Variants in SEMA3A observed in about 807,000 individuals in gnomAD.
The protein encoded by SEMA3A is semaphorin 3A.
Under a neutral mutation model 97.9 loss-of-function variants are expected in SEMA3A, and 29 were observed. The observed-to-expected ratio is 0.30, with a 90% CI of 0.22 to 0.40. SEMA3A has a LOEUF of 0.40. SEMA3A is among the 10% of genes least tolerant of loss of function. The pLI, the probability that SEMA3A is intolerant of heterozygous loss-of-function variation, is 1.00. For missense variants in SEMA3A, 763 were observed against 951.3 expected, an observed-to-expected ratio of 0.80 and a Z score of 2.60; for synonymous variants, 321 against 323.7, an observed-to-expected ratio of 0.99 and a Z score of 0.09.
intron 1 of SEMA3A, among the ~76,000 whole-genome samples, chr7:84,387,524 G>T (rs1055005532): frequency 6.6e-6 from 1 of 152,008 alleles, no homozygotes; most frequent in Non-Finnish European, 1.5e-5. Flanking sequence ...AAAACCTAAC[G>T]GTAATTATGG....
intron 1 of SEMA3A, among the ~76,000 whole-genome samples, chr7:84,395,991 G>A (rs1164030251): frequency 1.3e-5 from 2 of 152,038 alleles, no homozygotes; most frequent in African/African-American, 4.8e-5. Context: ...TTGCATTAAA[G>A]CAGAATCAAG....
At chr7:84,470,471 TAAAAC>T (rs1806117451) in intron 1 of SEMA3A, among the ~76,000 whole-genome samples, 1 of 152,084 alleles carries the variant, frequency 6.6e-6, no homozygotes, top group Non-Finnish European at 1.5e-5. Context: ...AACAAATTGA[TAAAAC>T]AAATTCTGGA....
chr7:84,431,641 T>A (rs1441084571), intron 1 of SEMA3A, among the ~76,000 whole-genome samples: 1 of 151,860 alleles, frequency 6.6e-6, no homozygotes, highest in East Asian at 1.9e-4. Flanking sequence ...TTAACAAGGC[T>A]ACCTATAATT....
At chr7:84,182,048 CTG>C (rs1797750533) in intron 1 of SEMA3A, among the ~76,000 whole-genome samples, 1 of 152,090 alleles carries the variant, frequency 6.6e-6, no homozygotes, top group African/African-American at 2.4e-5. Flanking sequence ...CAAGTGTCTT[CTG>C]TTAGACAAAA....
chr7:84,197,951 GC>G (rs1223543403), upstream of SEMA3A, among the ~76,000 whole-genome samples: 1 of 151,812 alleles, frequency 6.6e-6, no homozygotes, highest in African/African-American at 2.4e-5. Flanking sequence ...TGTTGCCCAG[GC>G]TGTTCTCAAA....
chr7:84,433,503 TC>T (rs1805043258), intron 1 of SEMA3A, among the ~76,000 whole-genome samples: 2 of 152,152 alleles, frequency 1.3e-5, no homozygotes, highest in Admixed American at 1.3e-4. Context: ...TCGTTCCAAG[TC>T]TTTGCTATTG....
chr7:84,166,819 G>A (rs575232423), intron 1 of SEMA3A, among the ~76,000 whole-genome samples: 2 of 149,092 alleles, frequency 1.3e-5, no homozygotes, highest in South Asian at 2.2e-4. Context: ...AGGCTGCAGT[G>A]AGCCGAGATT....
At chr7:84,102,944 C>A (rs942090033) in intron 4 of SEMA3A, among the ~76,000 whole-genome samples, 1 of 151,966 alleles carries the variant, frequency 6.6e-6, no homozygotes, top group East Asian at 1.9e-4. Flanking sequence ...AGAGTTACCA[C>A]ATATTGTATG....
chr7:83,979,028 TAAG>T (rs1319592577), intron 14 of SEMA3A, among the ~76,000 whole-genome samples: 2 of 152,182 alleles, frequency 1.3e-5, no homozygotes, highest in African/African-American at 2.4e-5. Flanking sequence ...CTTTCCTTAT[TAAG>T]AAGAGCTTAA....
chr7:84,090,511 A>C (rs76343604), intron 4 of SEMA3A, among the ~76,000 whole-genome samples: 7,403 of 152,266 alleles, frequency 0.049, 236 homozygotes, highest in African/African-American at 0.085. Context: ...AAATGCAAAA[A>C]AAACAAAACA....
At chr7:84,081,447 T>G (rs1033378313) in intron 4 of SEMA3A, among the ~76,000 whole-genome samples, 3 of 151,746 alleles carry the variant, frequency 2.0e-5, no homozygotes, top group Admixed American at 6.6e-5. Flanking sequence ...AAAAAAATTA[T>G]CTGGGCGTGT....
At chr7:84,103,121 C>T (rs1451532226) in intron 4 of SEMA3A, among the ~76,000 whole-genome samples, 1 of 152,014 alleles carries the variant, frequency 6.6e-6, no homozygotes, top group African/African-American at 2.4e-5. Flanking sequence ...TGAACATAGT[C>T]CTAGTACCCA....
chr7:84,386,506 A>T (rs752657925), intron 1 of SEMA3A, among the ~76,000 whole-genome samples: 12 of 152,142 alleles, frequency 7.9e-5, no homozygotes, highest in Non-Finnish European at 4.4e-5. Context: ...CATATGGTTT[A>T]AAATAATTGT....
At chr7:84,340,781 G>A (rs1351515324) in intron 2 of SEMA3A, among the ~76,000 whole-genome samples, 1 of 12,546 alleles carries the variant, frequency 8.0e-5, no homozygotes, top group Non-Finnish European at 2.1e-4. Flanking sequence ...ACTCCATCTC[G>A]GAAAAAAAAA....
chr7:84,260,239 T>C (rs998281344), intron 3 of SEMA3A, among the ~76,000 whole-genome samples: 2 of 152,188 alleles, frequency 1.3e-5, no homozygotes, highest in African/African-American at 4.8e-5. Flanking sequence ...GGTCACTTTA[T>C]GTCAAATAAA....
At chr7:83,966,753 C>T (rs1270386227) in intron 15 of SEMA3A, among the ~76,000 whole-genome samples, 1 of 151,714 alleles carries the variant, frequency 6.6e-6, no homozygotes, top group Non-Finnish European at 1.5e-5. Context: ...CTATTGTTGC[C>T]CAGGCTGGAG....
chr7:84,438,591 C>T (rs1805194482), intron 1 of SEMA3A, among the ~76,000 whole-genome samples: 1 of 152,016 alleles, frequency 6.6e-6, no homozygotes, highest in African/African-American at 2.4e-5. Context: ...CAAAGATTGC[C>T]AGAAAACCAT....
intron 1 of SEMA3A, among the ~76,000 whole-genome samples, chr7:84,471,815 G>T (rs1806159744): frequency 6.6e-6 from 1 of 151,974 alleles, no homozygotes. Context: ...TTATACATAA[G>T]GCTGGCTGGG....
At chr7:84,149,237 T>G (rs891181253) in intron 1 of SEMA3A, among the ~76,000 whole-genome samples, 1 of 152,222 alleles carries the variant, frequency 6.6e-6, no homozygotes, top group African/African-American at 2.4e-5. Context: ...AAATAGCAAC[T>G]TAAGGATTTT....
Sources: gnomAD v4.1 joint callset for allele counts (sites outside exome capture counted in the v4.1 genomes callset) on GRCh38, gnomAD v4.1.1 for gene constraint, MANE v1.5 for transcripts, NCBI Gene and HGNC (gene_info 2026-07-23, HGNC 2026-07-21) for gene names.